The following NRG3 variants were observed in gnomAD, a reference collection of about 807,000 sequenced individuals.
NRG3 encodes the protein pro-neuregulin-3, membrane-bound isoform.
NRG3 carries 31 observed loss-of-function variants against 66.9 expected under a neutral mutation model. That is an observed-to-expected ratio of 0.46 (90% confidence interval 0.35 to 0.63). The LOEUF is 0.63. Among genes scored for constraint, NRG3 ranks in the 20% least tolerant of loss-of-function variants. NRG3 has a pLI of 0.00. For synonymous variants in NRG3, 393 were observed against 359.4 expected (o/e 1.09, Z -1.06); for missense variants, 910 against 878.9 (o/e 1.04, Z -0.45).
chr10:82,643,886 GCA>G (rs755544634), intron 2 of NRG3, among the ~76,000 whole-genome samples: 103 of 48,472 alleles, frequency 2.1e-3, no homozygotes, highest in Non-Finnish European at 3.0e-3. Flanking sequence ...ACACACACGC[GCA>G]CACACACACA....
intron 1 of NRG3, among the ~76,000 whole-genome samples, chr10:82,042,272 A>C (rs940079045): frequency 6.6e-6 from 1 of 152,066 alleles, no homozygotes; most frequent in Non-Finnish European, 1.5e-5. Context: ...TTTATTTCCA[A>C]TGGCGATGGC....
intron 3 of NRG3, among the ~76,000 whole-genome samples, chr10:82,817,631 C>T (rs572036647): frequency 4.6e-5 from 7 of 152,064 alleles, no homozygotes; most frequent in Non-Finnish European, 5.9e-5. Flanking sequence ...CCCAAAACAC[C>T]GAATAAAGAT....
chr10:82,199,897 T>C (rs1589290277), intron 1 of NRG3, among the ~76,000 whole-genome samples: 1 of 150,958 alleles, frequency 6.6e-6, no homozygotes, highest in African/African-American at 2.4e-5. Flanking sequence ...TGCGTGTGTG[T>C]GTGTGTGTGT....
Position 81,875,457 on chromosome 10 carries a change from C to A in NRG3, c.117C>A (p.Asp39Glu). ...AAAAAAGGGP[D>E]GGGEGAAEPP... is the part of the protein sequence containing the mutation. ...CGGCAGCGGCGGGCGGGGGCCCGGA[C>A]GGCGGCGGCGAAGGGGCGGCCGAGC... The change falls in exon 1 of 9, where the codon GAC becomes GAA. Residue 39 changes from aspartate (D) to glutamate (E), a missense_variant. Asp to Glu is a conservative substitution (Grantham distance 45). Coordinates refer to ENST00000372141, the MANE Select transcript of NRG3 (RefSeq NM_001010848.4). This position sits in a 1 kb window ranked among gnomAD's most constrained non-coding sequence, Gnocchi z 5.3. 8.1e-7 allele frequency: 1 copy of A among 1,234,364 alleles called. No individual in the cohort carries two copies. The highest frequency in any genetic ancestry group is 1.0e-6 in the Non-Finnish European group (1 of 988,122). 76.5% of individuals were successfully genotyped at this position (1,234,364 alleles called of 1,614,324 possible). A position where few individuals can be genotyped will look rare whatever the true frequency, so the allele number is the denominator to read the frequency against.
intron 4 of NRG3, among the ~76,000 whole-genome samples, chr10:82,914,244 TTCATTTTCTGATCA>T (rs1307191779): frequency 6.6e-6 from 1 of 152,168 alleles, no homozygotes; most frequent in Non-Finnish European, 1.5e-5. Context: ...ATCAGTTAAA[TTCATTTTCTGATCA>T]TTTAAAAATC....
chr10:81,969,594 T>C (rs2059851682), intron 1 of NRG3, among the ~76,000 whole-genome samples: 1 of 152,226 alleles, frequency 6.6e-6, no homozygotes, highest in African/African-American at 2.4e-5. Context: ...ATAAGCCTGA[T>C]ACTTGTAGTT....
intron 1 of NRG3, among the ~76,000 whole-genome samples, chr10:82,294,633 G>A (rs1327732021): frequency 2.0e-5 from 3 of 152,090 alleles, no homozygotes; most frequent in African/African-American, 4.8e-5. Context: ...ATCTGCATCA[G>A]CGTTATATGC....
At chr10:82,028,373 C>T (rs151107313) in intron 1 of NRG3, among the ~76,000 whole-genome samples, 5 of 152,166 alleles carry the variant, frequency 3.3e-5, no homozygotes, top group African/African-American at 7.2e-5. Context: ...TTTGTTGCCT[C>T]GTTTGTTGCC....
At chr10:82,259,453 A>G (rs868371951) in intron 1 of NRG3, among the ~76,000 whole-genome samples, 1 of 152,198 alleles carries the variant, frequency 6.6e-6, no homozygotes, top group African/African-American at 2.4e-5. Flanking sequence ...CAGGATGTTT[A>G]TGAAAATTCC....
intron 2 of NRG3, among the ~76,000 whole-genome samples, chr10:82,527,528 G>A (rs1846836611): frequency 6.6e-6 from 1 of 152,116 alleles, no homozygotes; most frequent in South Asian, 2.1e-4. Context: ...CTCTTTGTAA[G>A]TTATATTTGA....
rs559096589 is a variant in NRG3, at chr10:82,324,289, G to A, written c.824-34450G>A. On this transcript the variant is annotated intron_variant, in intron 1 of 8. Transcript: ENST00000372141. ...TGTCATTTCTCTCATTTCTGTTATC[G>A]ATAATTTGTGTCTACTTTTTTCCCT... Among the ~76,000 whole-genome samples the A allele has an allele frequency of 3.0e-3, 453 of 151,986 alleles. 5 individuals carry two copies. The highest frequency in any genetic ancestry group is 0.01 in the African/African-American group (424 of 41,484).
At position 82,553,034 on chromosome 10, in the gene NRG3, AACAC is replaced by A. The variant is rs142641494; in HGVS notation, c.954-185520_954-185517del. ...AAGTAGAGAAAAGTGATCACACACAAACACACACACACACACACACACACACCCC... is the reference window on the plus strand; with the variant it reads ...AAGTAGAGAAAAGTGATCACACACAAACACACACACACACACACACACCCC... On this transcript the variant is annotated intron_variant, in intron 2 of 8. Transcript: ENST00000372141. Among the ~76,000 whole-genome samples, 154 of 146,620 alleles carry A rather than the reference AACAC, an allele frequency of 1.1e-3. 1 individual carries two copies. Among genetic ancestry groups the A allele is most frequent in the South Asian group, 8.2e-3 (38 of 4,614 alleles).
chr10:82,423,363 G>T (rs967423215), intron 2 of NRG3, among the ~76,000 whole-genome samples: 13 of 151,854 alleles, frequency 8.6e-5, no homozygotes, highest in Non-Finnish European at 4.4e-5. Context: ...TGAAGAAAGA[G>T]AACTGATCCA....
intron 2 of NRG3, among the ~76,000 whole-genome samples, chr10:82,669,158 C>G (rs1257072011): frequency 6.6e-6 from 1 of 151,684 alleles, no homozygotes; most frequent in East Asian, 1.9e-4. Flanking sequence ...GAAAGTCTGC[C>G]ATCCTATAAA....
At chr10:82,704,977 A>G (rs1271091028) in intron 2 of NRG3, among the ~76,000 whole-genome samples, 1 of 152,218 alleles carries the variant, frequency 6.6e-6, no homozygotes, top group Non-Finnish European at 1.5e-5. Context: ...AAATCACTGA[A>G]TAATAGAAAT....
chr10:82,334,174 G>A (rs1224355095), intron 1 of NRG3, among the ~76,000 whole-genome samples: 1 of 151,920 alleles, frequency 6.6e-6, no homozygotes, highest in Non-Finnish European at 1.5e-5. Context: ...AAAGGGATGG[G>A]CCTTTCAATC....
chr10:82,937,103 A>G (rs1247409277), intron 4 of NRG3, among the ~76,000 whole-genome samples: 2 of 152,054 alleles, frequency 1.3e-5, no homozygotes, highest in African/African-American at 4.8e-5. Context: ...TTAATTCTTC[A>G]TTTTTCTTAT....
chr10:82,732,438 T>C (rs1052701301), intron 2 of NRG3, among the ~76,000 whole-genome samples: 2 of 152,166 alleles, frequency 1.3e-5, no homozygotes, highest in Non-Finnish European at 2.9e-5. Flanking sequence ...ATGTCTCCAC[T>C]GAATTTCCAT....
intron 1 of NRG3, among the ~76,000 whole-genome samples, chr10:82,055,729 C>CG (rs2063814423): frequency 6.6e-6 from 1 of 151,818 alleles, no homozygotes. Context: ...ATTTGTAAAG[C>CG]GATGAAAAAT....
Sources: allele counts gnomAD v4.1 joint callset (sites outside exome capture counted in the v4.1 genomes callset), GRCh38; gene constraint gnomAD v4.1.1; non-coding constraint Gnocchi (gnomAD v3.1); transcripts MANE v1.5; gene names NCBI Gene and HGNC (gene_info 2026-07-23, HGNC 2026-07-21).